KAZN: variants seen among roughly 807,000 people sequenced by gnomAD.
The protein encoded by KAZN is kazrin, periplakin interacting protein.
Under a neutral mutation model 87.4 loss-of-function variants are expected in KAZN, and 40 were observed. That is an observed-to-expected ratio of 0.46 (90% CI 0.36 to 0.60). The LOEUF is 0.60. Among genes scored for constraint, KAZN ranks in the 20% least tolerant of loss-of-function variants. The probability of loss-of-function intolerance (pLI) is 0.00; values close to 1 mark genes in which losing one functional copy is unlikely to be tolerated. For synonymous variants in KAZN, 466 were observed against 458.3 expected, an observed-to-expected ratio of 1.02 and a Z score of -0.22; for missense variants, 898 against 1,073.9, an observed-to-expected ratio of 0.84 and a Z score of 2.29.
At chr1:14,434,148 CAGACCCCACT>C (rs1378868445) in intron 2 of KAZN, among the ~76,000 whole-genome samples, 1 of 152,186 alleles carries the variant, frequency 6.6e-6, no homozygotes, top group African/African-American at 2.4e-5. Flanking sequence ...ATTGCATTGC[CAGACCCCACT>C]AGGATCCATT....
At chr1:14,663,928 G>A (rs1002953326) in intron 1 of KAZN, among the ~76,000 whole-genome samples, 5 of 152,186 alleles carry the variant, frequency 3.3e-5, no homozygotes, top group Non-Finnish European at 5.9e-5. Context: ...CCAAGTGTCC[G>A]TCAACAAACG....
intron 1 of KAZN, among the ~76,000 whole-genome samples, chr1:14,091,107 GT>G (rs1643978836): frequency 1.1e-5 from 1 of 92,120 alleles, no homozygotes; most frequent in Non-Finnish European, 1.9e-5. Flanking sequence ...GTGAGACTCT[GT>G]CAAAAAAAAA....
At chr1:14,268,330 C>A (rs945423903) in intron 2 of KAZN, among the ~76,000 whole-genome samples, 3 of 152,040 alleles carry the variant, frequency 2.0e-5, no homozygotes, top group Non-Finnish European at 4.4e-5. Flanking sequence ...CACATAGGGC[C>A]GACTCATATC....
intron 1 of KAZN, among the ~76,000 whole-genome samples, chr1:13,949,181 T>C (rs1641253982): frequency 6.6e-6 from 1 of 152,210 alleles, no homozygotes; most frequent in Admixed American, 6.5e-5. Context: ...TTGCAGTTAC[T>C]CTCAAGATTT....
intron 2 of KAZN, among the ~76,000 whole-genome samples, chr1:14,323,301 G>A (rs1656179653): frequency 6.6e-6 from 1 of 152,026 alleles, no homozygotes; most frequent in Non-Finnish European, 1.5e-5. Flanking sequence ...TGGATGAGCA[G>A]GGAGGTGCAA....
intron 1 of KAZN, among the ~76,000 whole-genome samples, chr1:14,882,006 C>T (rs759607676): frequency 6.6e-5 from 10 of 152,100 alleles, no homozygotes; most frequent in Non-Finnish European, 1.0e-4. Context: ...TCTGTAAATA[C>T]CTGTTGAGTC....
intron 1 of KAZN, among the ~76,000 whole-genome samples, chr1:14,008,562 G>T (rs767664513): frequency 2.0e-5 from 3 of 152,174 alleles, no homozygotes; most frequent in Non-Finnish European, 2.9e-5. Context: ...TCTGAAAAGG[G>T]TCTTAATCTT....
At chr1:15,029,293 G>A (rs1227848676) in intron 2 of KAZN, among the ~76,000 whole-genome samples, 2 of 152,218 alleles carry the variant, frequency 1.3e-5, no homozygotes, top group African/African-American at 4.8e-5. Context: ...ACCACGTCTG[G>A]CTCACTCCTG....
chr1:14,105,734 C>T (rs112360322), intron 1 of KAZN, among the ~76,000 whole-genome samples: 2 of 152,170 alleles, frequency 1.3e-5, no homozygotes, highest in South Asian at 2.1e-4. Context: ...CTCAAAGGAT[C>T]GCCATGAAGA....
At chr1:13,987,074 GA>G (rs1380697930) in intron 1 of KAZN, among the ~76,000 whole-genome samples, 1 of 152,174 alleles carries the variant, frequency 6.6e-6, no homozygotes, top group Non-Finnish European at 1.5e-5. Flanking sequence ...CCTGTTGTGG[GA>G]TTTATCTGAC....
intron 2 of KAZN, among the ~76,000 whole-genome samples, chr1:14,335,391 C>CG (rs1657180330): frequency 6.6e-6 from 1 of 151,834 alleles, no homozygotes; most frequent in African/African-American, 2.4e-5. Flanking sequence ...TTAGTAGAGA[C>CG]GGGGTTTCAC....
At chr1:14,689,263 T>C (rs1014654107) in intron 1 of KAZN, among the ~76,000 whole-genome samples, 1 of 152,140 alleles carries the variant, frequency 6.6e-6, no homozygotes, top group Non-Finnish European at 1.5e-5. Flanking sequence ...AAAACCATGC[T>C]GGGTCTGGTT....
chr1:14,335,233 C>T (rs529345423), intron 2 of KAZN, among the ~76,000 whole-genome samples: 193 of 145,764 alleles, frequency 1.3e-3, no homozygotes, highest in African/African-American at 4.4e-3. Context: ...GATGGAGTCT[C>T]GCTCTGTCAC....
chr1:14,649,114 G>A (rs1681028980), intron 1 of KAZN, among the ~76,000 whole-genome samples: 1 of 152,202 alleles, frequency 6.6e-6, no homozygotes, highest in Non-Finnish European at 1.5e-5. Flanking sequence ...GGTTGCCCTG[G>A]TGCAGGCACC....
At chr1:14,406,690 A>G (rs1215262297) in intron 2 of KAZN, among the ~76,000 whole-genome samples, 1 of 152,226 alleles carries the variant, frequency 6.6e-6, no homozygotes, top group Non-Finnish European at 1.5e-5. Flanking sequence ...AAACCTATGG[A>G]AATTAAAAAA....
In KAZN at chr1:14,152,315, G is replaced by A. The variant is rs375899982; in HGVS notation, c.92-28120G>A. 3.3e-5 allele frequency among the ~76,000 whole-genome samples: 5 copies of A among 152,142 alleles called. No homozygotes were observed. The East Asian group carries it at 5.8e-4, about 18-fold the overall frequency. ...TTCTTTTTGGACTCATTAAGCATCC[G>A]TACCTCCCCCTGACCCTCCAACTAC... is the stretch of plus-strand genomic sequence containing the variant. On this transcript the variant is annotated intron_variant, in intron 1 of 16. Coordinates refer to the KAZN transcript ENST00000636203.
intron 1 of KAZN, among the ~76,000 whole-genome samples, chr1:14,174,348 C>T (rs1237788143): frequency 6.6e-6 from 1 of 152,176 alleles, no homozygotes; most frequent in African/African-American, 2.4e-5. Context: ...AGAGAGGGAA[C>T]TTATGTGTCA....
chr1:14,017,767 C>T (rs974852178), intron 1 of KAZN, among the ~76,000 whole-genome samples: 7 of 152,302 alleles, frequency 4.6e-5, no homozygotes, highest in African/African-American at 1.7e-4. Context: ...AAAGACCGTG[C>T]GTTGGAATTC....
intron 1 of KAZN, among the ~76,000 whole-genome samples, chr1:14,840,265 G>A (rs1484344404): frequency 6.6e-6 from 1 of 152,106 alleles, no homozygotes; most frequent in African/African-American, 2.4e-5. Flanking sequence ...ATTGCTGGGC[G>A]CTGGAAAGTC....
Sources: allele counts gnomAD v4.1 joint callset (sites outside exome capture counted in the v4.1 genomes callset), GRCh38; gene constraint gnomAD v4.1.1; transcripts MANE v1.5; gene names NCBI Gene and HGNC (gene_info 2026-07-23, HGNC 2026-07-21).